The following TNFRSF10D variants were observed in gnomAD, a reference collection of about 807,000 sequenced individuals.
The protein encoded by TNFRSF10D is TNF receptor superfamily member 10d.
Under a neutral mutation model 42.1 loss-of-function variants are expected in TNFRSF10D, and 28 were observed. The ratio of observed to expected loss-of-function variants is 0.66; its 90% confidence interval spans 0.49 to 0.91. The LOEUF (loss-of-function observed/expected upper bound fraction) is 0.91. Ranked by LOEUF, TNFRSF10D falls within the 40% of genes least tolerant of loss-of-function variation. The pLI, the probability that TNFRSF10D is intolerant of heterozygous loss-of-function variation, is 0.00. For synonymous variants in TNFRSF10D, 186 were observed against 189.4 expected, an observed-to-expected ratio of 0.98 and a Z score of 0.15; for missense variants, 503 against 486.1, an observed-to-expected ratio of 1.03 and a Z score of -0.33.
intron 2 of TNFRSF10D, among the ~76,000 whole-genome samples, chr8:23,151,057 A>C (rs903147318): frequency 3.3e-5 from 5 of 150,326 alleles, no homozygotes; most frequent in Non-Finnish European, 7.3e-5. Context: ...ACATTCATGA[A>C]GCCCAAAAAA....
chr8:23,159,080 G>A (rs556988720), intron 1 of TNFRSF10D, among the ~76,000 whole-genome samples: 2 of 152,008 alleles, frequency 1.3e-5, no homozygotes, highest in Non-Finnish European at 2.9e-5. Context: ...TCCTTCACAC[G>A]ACATGATTTT....
chr8:23,159,092 T>C (rs1224177682), intron 1 of TNFRSF10D, among the ~76,000 whole-genome samples: 1 of 150,726 alleles, frequency 6.6e-6, no homozygotes, highest in Non-Finnish European at 1.5e-5. Context: ...CATGATTTTC[T>C]GTGTGTGTGT....
chr8:23,155,696 T>A (rs1332882770), intron 1 of TNFRSF10D, among the ~76,000 whole-genome samples: 1 of 149,876 alleles, frequency 6.7e-6, no homozygotes, highest in Non-Finnish European at 1.5e-5. Flanking sequence ...CGAGACTCTG[T>A]CTCAAAAAAA....
intron 7 of TNFRSF10D, among the ~76,000 whole-genome samples, chr8:23,139,338 T>C (rs142148645): frequency 6.9e-4 from 105 of 152,306 alleles, no homozygotes; most frequent in African/African-American, 2.5e-3. Flanking sequence ...TATTCAGTGT[T>C]TCTAGATTAA....
chr8:23,151,572 T>C (rs1800213032), intron 2 of TNFRSF10D, among the ~76,000 whole-genome samples: 1 of 152,066 alleles, frequency 6.6e-6, no homozygotes, highest in African/African-American at 2.4e-5. Flanking sequence ...AAAAGCCCAA[T>C]GTATTTTTTT....
At position 23,144,327 on chromosome 8, in the gene TNFRSF10D, CCT is replaced by C. The variant is rs553532873; in HGVS notation, c.954+121_954+122del. The C allele has an allele frequency of 2.1e-4, 248 of 1,166,170 alleles. No individual in the cohort carries two copies. In the African/African-American group the frequency reaches 2.9e-3, roughly 14 times the overall value. The allele number at this position is 1,166,170 out of a possible 1,614,324, so 72.2% of individuals were successfully genotyped here. A position where few individuals can be genotyped will look rare whatever the true frequency, so the allele number is the denominator to read the frequency against. On this transcript the variant is annotated intron_variant, in intron 7 of 8. Coordinates refer to ENST00000312584, the MANE Select transcript of TNFRSF10D (RefSeq NM_003840.5). ...GCAGCTGCTCCGTCCCCTGCAGTCC[CCT>C]GTCTCCCAAAGGCTCCATGTCCCCT...
At chr8:23,154,500 A>G (rs1392463074) in intron 2 of TNFRSF10D, among the ~76,000 whole-genome samples, 1 of 152,282 alleles carries the variant, frequency 6.6e-6, no homozygotes, top group East Asian at 1.9e-4. Flanking sequence ...ATGCTATGTA[A>G]ATAAGTGCTT....
At chr8:23,139,481 G>C (rs149598407) in intron 7 of TNFRSF10D, among the ~76,000 whole-genome samples, 1 of 152,116 alleles carries the variant, frequency 6.6e-6, no homozygotes, top group African/African-American at 2.4e-5. Flanking sequence ...AGAGGTGTTT[G>C]CTCTTTTGGA....
rs573034094 is a variant in TNFRSF10D at position 23,147,652 on chromosome 8, C to T, written c.371-580G>A. Among the ~76,000 whole-genome samples the T allele has an allele frequency of 9.9e-5, 15 of 152,224 alleles. No homozygotes were observed. In the South Asian group the frequency reaches 2.9e-3, roughly 29 times the overall value. On this transcript the variant is annotated intron_variant, in intron 3 of 8. Transcript: ENST00000312584. Reference sequence around the variant, plus strand: ...CATTACAGAAAAGATTTTGGCCAGGCGCAGTGGCTCACACCTGTAATCACA... The same window carrying T: ...CATTACAGAAAAGATTTTGGCCAGGTGCAGTGGCTCACACCTGTAATCACA...
intron 4 of TNFRSF10D, among the ~76,000 whole-genome samples, chr8:23,146,156 C>A (rs142470924): frequency 0.011 from 1,744 of 152,314 alleles, 42 homozygotes; most frequent in African/African-American, 0.039. Context: ...GATCCAGGAG[C>A]CTTCTGTGCT....
rs200239385 is a variant in TNFRSF10D at position 23,163,750 on chromosome 8, G to T, written c.150+36C>A. On this transcript the variant is annotated intron_variant, in intron 1 of 8. Transcript: ENST00000312584. ...CCTGCCCACTCCCGGCGCCAGGTGC[G>T]CTCTTCCCCAGCCAGGGACCGCGGC... is the stretch of plus-strand genomic sequence containing the variant. 1.4e-3 allele frequency: 2,277 copies of T among 1,599,328 alleles called. 2 individuals carry two copies. The highest frequency in any genetic ancestry group is 1.8e-3 in the Non-Finnish European group (2,068 of 1,174,586).
At position 23,155,135 on chromosome 8, in the gene TNFRSF10D, C is replaced by T. The variant is rs559148384; in HGVS notation, c.151-156G>A. ...TCATTCTTTTGCATCCGTGTTTGTC[C>T]CCTGGCCTGTTAGGTAGCTATTTTC... On this transcript the variant is annotated intron_variant, in intron 1 of 8. Coordinates refer to ENST00000312584, the MANE Select transcript of TNFRSF10D (RefSeq NM_003840.5). 2.0e-5 allele frequency among the ~76,000 whole-genome samples: 3 copies of T among 152,292 alleles called. No homozygotes were observed. In the South Asian group the frequency reaches 6.2e-4, roughly 32 times the overall value.
At chr8:23,140,225 C>G (rs1485111391) in intron 7 of TNFRSF10D, among the ~76,000 whole-genome samples, 2 of 151,854 alleles carry the variant, frequency 1.3e-5, no homozygotes, top group South Asian at 2.1e-4. Flanking sequence ...GGAGGTGGAG[C>G]TTGCAGTGAG....
chr8:23,154,285 GA>G (rs1360894305), intron 2 of TNFRSF10D, among the ~76,000 whole-genome samples: 11 of 152,330 alleles, frequency 7.2e-5, no homozygotes, highest in Middle Eastern at 3.4e-3. Context: ...ATAAATTCAA[GA>G]GATGTATTGT....
chr8:23,156,176 C>T (rs1048960129), intron 1 of TNFRSF10D, among the ~76,000 whole-genome samples: 1 of 152,062 alleles, frequency 6.6e-6, no homozygotes, highest in South Asian at 2.1e-4. Flanking sequence ...TTTCATCATG[C>T]CAACAGCTAT....
Position 23,138,070 on chromosome 8 carries a change from G to A in TNFRSF10D, c.1028-67C>T, listed in dbSNP as rs562492349. On this transcript the variant is annotated intron_variant, in intron 8 of 8. Coordinates refer to ENST00000312584, the MANE Select transcript of TNFRSF10D (RefSeq NM_003840.5). ...ACGATCAGCACAGGATCGACATGGG[G>A]CCCCCTGCTTCCAGCAGTGAAACCT... 2,445 of 1,607,622 alleles carry A rather than the reference G, an allele frequency of 1.5e-3. No homozygotes were observed. In the African/African-American group the frequency reaches 0.018, roughly 12 times the overall value.
At chr8:23,149,022 C>G (rs1432727181) in intron 2 of TNFRSF10D, among the ~76,000 whole-genome samples, 1 of 151,340 alleles carries the variant, frequency 6.6e-6, no homozygotes, top group Non-Finnish European at 1.5e-5. Flanking sequence ...AACCCCATCT[C>G]TACTAAAAAT....
chr8:23,159,845 A>G (rs183480989), intron 1 of TNFRSF10D, among the ~76,000 whole-genome samples: 91 of 152,266 alleles, frequency 6.0e-4, no homozygotes, highest in Non-Finnish European at 6.9e-4. Flanking sequence ...CCTGGGTGAC[A>G]GAACAATACT....
Position 23,145,790 on chromosome 8 carries a change from A to C in TNFRSF10D, c.614T>G (p.Met205Arg). Residue 205 changes from methionine (M) to arginine (R), a missense_variant, in exon 5 of 9, where the codon ATG (methionine) becomes AGG (arginine). Met to Arg is a moderately conservative substitution (Grantham distance 91). Transcript: ENST00000312584. ...AAGGTAGTGATAGGGAGAGGCAAGC[A>C]TCCCCAGGATGGTGGTCACTGTCTC... ...AEETVTTILGMLASPYHYLII... is the reference protein window; with the variant it reads ...AEETVTTILGRLASPYHYLII... The C allele has an allele frequency of 6.2e-7, 1 of 1,614,144 alleles. No individual in the cohort carries two copies.
Sources: gnomAD v4.1 joint callset for allele counts (sites outside exome capture counted in the v4.1 genomes callset) on GRCh38, gnomAD v4.1.1 for gene constraint, MANE v1.5 for transcripts, NCBI Gene and HGNC (gene_info 2026-07-23, HGNC 2026-07-21) for gene names.